TADA2A: variants seen among roughly 807,000 people sequenced by gnomAD.
TADA2A encodes the protein transcriptional adapter 2-alpha.
TADA2A carries 38 observed loss-of-function variants against 67.4 expected under a neutral mutation model. That is an observed-to-expected ratio of 0.56 (90% CI 0.44 to 0.74). The LOEUF is 0.74. Among genes scored for constraint, TADA2A ranks in the 30% least tolerant of loss-of-function variants. TADA2A has a pLI of 0.00. For missense variants in TADA2A, 454 were observed against 547.0 expected, an observed-to-expected ratio of 0.83 and a Z score of 1.70; for synonymous variants, 192 against 181.6, an observed-to-expected ratio of 1.06 and a Z score of -0.46.
chr17:37,465,497 T>C lies in TADA2A; in HGVS notation c.779T>C (p.Ile260Thr). Residue 260 changes from isoleucine (I) to threonine (T), a missense_variant, in exon 11 of 16, where the codon ATT (isoleucine) becomes ACT (threonine). Coordinates refer to ENST00000615182, the MANE Select transcript of TADA2A (RefSeq NM_001166105.3). ...GAAACAATGAGGCGATTTGCAAGAA[T>C]TGTGGGGCCAGTGGAACATGACAAA... Reference protein sequence around the residue: ...LYETMRRFARIVGPVEHDKFI... With the variant: ...LYETMRRFARTVGPVEHDKFI... 1.2e-6 allele frequency: 2 copies of C among 1,614,078 alleles called. No individual in the cohort carries two copies. The highest frequency in any genetic ancestry group is 1.7e-6 in the Non-Finnish European group (2 of 1,180,012).
intron 10 of TADA2A, among the ~76,000 whole-genome samples, chr17:37,463,495 A>G (rs954800908): frequency 2.0e-5 from 3 of 151,956 alleles, no homozygotes; most frequent in African/African-American, 7.2e-5. Flanking sequence ...AATCCCAGCT[A>G]CTTGGGAGGC....
chr17:37,443,752 TC>T (rs1260189293), intron 7 of TADA2A, among the ~76,000 whole-genome samples: 3 of 152,192 alleles, frequency 2.0e-5, no homozygotes, highest in African/African-American at 7.2e-5. Context: ...ACGCCTGTGT[TC>T]CAGTAAAACT....
At chr17:37,450,120 G>A (rs1206705643) in intron 8 of TADA2A, among the ~76,000 whole-genome samples, 1 of 152,134 alleles carries the variant, frequency 6.6e-6, no homozygotes. Flanking sequence ...AAAAGTTTAC[G>A]AATTTGTATT....
At chr17:37,439,992 G>A (rs914659199) in intron 5 of TADA2A, among the ~76,000 whole-genome samples, 2 of 146,502 alleles carry the variant, frequency 1.4e-5, no homozygotes, top group South Asian at 4.3e-4. Context: ...TGCCCAGACT[G>A]GAGTGCAATG....
At chr17:37,431,560 CCTTTTCTTTTAT>C (rs1011609570) in intron 4 of TADA2A, among the ~76,000 whole-genome samples, 1 of 148,612 alleles carries the variant, frequency 6.7e-6, no homozygotes, top group African/African-American at 2.5e-5. Context: ...TAAACCATCA[CCTTTTCTTTTAT>C]CTTTTCTTTT....
intron 2 of TADA2A, among the ~76,000 whole-genome samples, chr17:37,422,392 G>A (rs970409612): frequency 6.6e-6 from 1 of 150,938 alleles, no homozygotes; most frequent in Non-Finnish European, 1.5e-5. Flanking sequence ...TGTTGCCCAG[G>A]CTGGTCTCAA....
intron 5 of TADA2A, among the ~76,000 whole-genome samples, chr17:37,439,924 T>G (rs1247278786): frequency 4.0e-5 from 4 of 100,670 alleles, no homozygotes; most frequent in Admixed American, 1.0e-4. Flanking sequence ...ATTTATTTAT[T>G]TATTTATTTA....
rs1453483606 is a variant in TADA2A, at chr17:37,477,665, T to C, written c.*683T>C. 1 of 151,990 alleles carries C rather than the reference T, an allele frequency of 6.6e-6. No individual in the cohort carries two copies. Among genetic ancestry groups the C allele is most frequent in the African/African-American group, 2.4e-5 (1 of 41,398 alleles). 9.4% of individuals were successfully genotyped at this position (151,990 alleles called of 1,614,324 possible). On this transcript the variant is annotated 3_prime_UTR_variant, in exon 16 of 16. Transcript: ENST00000615182. ...TTTTAGTAGAGACAGGGTTTTGTCA[T>C]GTTGGCCAGGCTGGTCACAAACTCC...
At chr17:37,441,096 TAAAA>T (rs34338887) in intron 6 of TADA2A, among the ~76,000 whole-genome samples, 1 of 132,086 alleles carries the variant, frequency 7.6e-6, no homozygotes, top group Admixed American at 7.5e-5. Context: ...CTTCATCTCT[TAAAA>T]AAAAAAAAAA....
At chr17:37,410,800 G>A (rs1445130219) in intron 1 of TADA2A, among the ~76,000 whole-genome samples, 1 of 152,188 alleles carries the variant, frequency 6.6e-6, no homozygotes, top group Non-Finnish European at 1.5e-5. Flanking sequence ...TGTCAGGGGT[G>A]GGGAATGGGG....
At chr17:37,407,833 T>TGC (rs2051661323) in intron 1 of TADA2A, 1 of 151,870 alleles carries the variant, frequency 6.6e-6, no homozygotes, top group African/African-American at 2.4e-5. Context: ...AAGTGATCCT[T>TGC]CCGCCTCGGC....
chr17:37,469,877 A>G (rs2053748389), intron 12 of TADA2A, among the ~76,000 whole-genome samples: 1 of 152,200 alleles, frequency 6.6e-6, no homozygotes, highest in Admixed American at 6.5e-5. Context: ...CTGTTTAGCA[A>G]GATGCATATA....
At chr17:37,432,893 TAGTC>T (rs1568147624) in intron 4 of TADA2A, among the ~76,000 whole-genome samples, 2 of 151,528 alleles carry the variant, frequency 1.3e-5, no homozygotes, top group African/African-American at 4.8e-5. Flanking sequence ...TTAGCTATTT[TAGTC>T]AGTGCAGTGT....
chr17:37,434,168 A>T (rs1428424140), intron 4 of TADA2A, among the ~76,000 whole-genome samples: 3 of 152,120 alleles, frequency 2.0e-5, no homozygotes. Flanking sequence ...GTCGAAGTGT[A>T]TTTTGTACAG....
chr17:37,476,742 T>C, intron 15 of TADA2A, 55 bp from the exon 16 acceptor site: 1 of 1,565,126 alleles, frequency 6.4e-7, no homozygotes, highest in Non-Finnish European at 8.7e-7. Context: ...ACCTGCTGGA[T>C]TAAATTACAA....
chr17:37,461,961 A>G (rs2053556102), intron 9 of TADA2A, 117 bp from the exon 10 acceptor site: 2 of 783,048 alleles, frequency 2.6e-6, no homozygotes, highest in Non-Finnish European at 2.1e-6. Context: ...ACTTCTTTGG[A>G]CCTCTGTATT....
chr17:37,411,798 G>A (rs11656455), intron 2 of TADA2A, among the ~76,000 whole-genome samples: 30,346 of 151,832 alleles, frequency 0.2, 3,464 homozygotes, highest in East Asian at 0.54. Context: ...GATGAAGTTA[G>A]GCAATAAAGC....
intron 5 of TADA2A, 115 bp from the exon 6 acceptor site, chr17:37,440,390 A>G (rs1364813978): frequency 8.3e-7 from 1 of 1,202,866 alleles, no homozygotes; most frequent in Admixed American, 2.8e-5. Context: ...ATCAATTTGG[A>G]AATATGAGAG....
intron 7 of TADA2A, among the ~76,000 whole-genome samples, chr17:37,443,254 CTTTT>C (rs965371949): frequency 7.1e-6 from 1 of 141,444 alleles, no homozygotes; most frequent in Non-Finnish European, 1.6e-5. Context: ...TAGTCTGGTT[CTTTT>C]TTTTTTTTTT....
Sources: allele counts gnomAD v4.1 joint callset (sites outside exome capture counted in the v4.1 genomes callset), GRCh38; gene constraint gnomAD v4.1.1; transcripts MANE v1.5; gene names NCBI Gene and HGNC (gene_info 2026-07-23, HGNC 2026-07-21).